The following TECPR1 variants were observed in gnomAD, a reference collection of about 807,000 sequenced individuals.
TECPR1 encodes the protein tectonin beta-propeller repeat containing 1.
Under a neutral mutation model 162.4 loss-of-function variants are expected in TECPR1, and 122 were observed. The observed-to-expected ratio is 0.75, with a 90% CI of 0.65 to 0.87. The LOEUF is 0.87. TECPR1 is among the 40% of genes least tolerant of loss of function. The pLI is 0.00. For synonymous variants in TECPR1, 642 were observed against 670.6 expected (o/e 0.96, Z 0.66); for missense variants, 1,432 against 1,618.2 (o/e 0.88, Z 1.97).
intron 2 of TECPR1, among the ~76,000 whole-genome samples, chr7:98,248,140 T>C (rs1798958976): frequency 6.6e-6 from 1 of 152,062 alleles, no homozygotes; most frequent in Non-Finnish European, 1.5e-5. Flanking sequence ...CACCCAGGGG[T>C]GTCCTTCCTG....
At chr7:98,237,785 T>TA (rs1199739072) in intron 9 of TECPR1, among the ~76,000 whole-genome samples, 1 of 151,934 alleles carries the variant, frequency 6.6e-6, no homozygotes, top group African/African-American at 2.4e-5. Context: ...TGGTTTTTTT[T>TA]AGAGATAGGA....
Position 98,233,675 on chromosome 7 carries a change from T to C in TECPR1, c.1418A>G (p.Asn473Ser), listed in dbSNP as rs57704545. ...PAEGSREARP[N>S]THPGPAPTPA... ...GGTGGGGGCCGGGCCGGGGTGCGTGTTGGGTCTGGCCTCCCTGCTGCCCTC... is the reference window on the plus strand; with the variant it reads ...GGTGGGGGCCGGGCCGGGGTGCGTGCTGGGTCTGGCCTCCCTGCTGCCCTC... Residue 473 changes from asparagine (N) to serine (S), a missense_variant, in exon 11 of 26, where the codon AAC (asparagine) becomes AGC (serine). Transcript: ENST00000447648. The C allele has an allele frequency of 1.9e-3, 3,065 of 1,604,928 alleles. 61 individuals are homozygous for C. The African/African-American group carries it at 0.034, about 18-fold the overall frequency.
At chr7:98,249,409 C>G (rs1429829141) in intron 2 of TECPR1, among the ~76,000 whole-genome samples, 1 of 152,136 alleles carries the variant, frequency 6.6e-6, no homozygotes, top group Non-Finnish European at 1.5e-5. Context: ...CCCAGGACAC[C>G]AAGGCCCGTC....
At position 98,228,090 on chromosome 7, in the gene TECPR1, A is replaced by G. The variant is rs1432489176; in HGVS notation, c.2437T>C (p.Tyr813His). ...QGLASSTSNI[Y>H]TQSDVKCVHI... The stretch of plus-strand genomic sequence containing the variant: ...ACACACTTCACGTCTGACTGCGTGT[A>G]GATGTTACTGGTGCTGCTGGCCAGG... Residue 813 changes from tyrosine to histidine, a missense_variant, in exon 17 of 26, where the codon TAC (tyrosine) becomes CAC (histidine). Coordinates refer to ENST00000447648, the MANE Select transcript of TECPR1 (RefSeq NM_015395.3). The G allele has an allele frequency of 6.2e-7, 1 of 1,612,372 alleles. No homozygotes were observed. Among genetic ancestry groups the G allele is most frequent in the African/African-American group, 1.3e-5 (1 of 74,894 alleles).
chr7:98,235,998 G>A (rs1488809942), intron 10 of TECPR1, among the ~76,000 whole-genome samples: 1 of 152,074 alleles, frequency 6.6e-6, no homozygotes, highest in African/African-American at 2.4e-5. Context: ...GGCTAGGGAG[G>A]GTCACAGCTA....
chr7:98,239,668 G>C (rs1439619998), intron 8 of TECPR1, among the ~76,000 whole-genome samples: 1 of 152,208 alleles, frequency 6.6e-6, no homozygotes, highest in Non-Finnish European at 1.5e-5. Flanking sequence ...GGGTGACCAG[G>C]ATCCAATGTG....
chr7:98,219,685 T>A (rs1203372086), intron 23 of TECPR1, among the ~76,000 whole-genome samples: 4 of 152,122 alleles, frequency 2.6e-5, no homozygotes, highest in African/African-American at 9.7e-5. Context: ...GCGGATCACC[T>A]GAGGTTGAGA....
intron 23 of TECPR1, among the ~76,000 whole-genome samples, 177 bp downstream of exon 23, chr7:98,221,484 T>TTTG (rs202120870): frequency 0.39 from 34,337 of 87,582 alleles, 4,186 homozygotes; most frequent in East Asian, 0.54. Context: ...AAATTAAAGT[T>TTTG]TTTTTTTTTT....
intron 23 of TECPR1, among the ~76,000 whole-genome samples, chr7:98,220,077 C>G (rs975837260): frequency 6.6e-6 from 1 of 151,968 alleles, no homozygotes; most frequent in Admixed American, 6.6e-5. Context: ...CGCGGTGGCT[C>G]ATGCCTGTAA....
chr7:98,219,054 G>T (rs181758760), intron 23 of TECPR1, among the ~76,000 whole-genome samples: 11 of 152,200 alleles, frequency 7.2e-5, no homozygotes, highest in Non-Finnish European at 1.5e-4. Flanking sequence ...TAGACCAGTG[G>T]AACAGAAGAG....
At position 98,217,176 on chromosome 7, in the gene TECPR1, C is replaced by A. The variant is rs1798032055; in HGVS notation, c.*214G>T. ...ATGCCCCACACCCCGGGACTCCTCG[C>A]AGACGGGGACACGTGTGGGAGTGTC... On this transcript the variant is annotated 3_prime_UTR_variant, in exon 26 of 26. Transcript: ENST00000447648. 1.9e-6 allele frequency: 1 copy of A among 529,262 alleles called. No individual in the cohort carries two copies. Among genetic ancestry groups the A allele is most frequent in the South Asian group, 2.6e-5 (1 of 38,620 alleles). 32.8% of individuals were successfully genotyped at this position (529,262 alleles called of 1,614,324 possible).
rs1443414777 is a variant in TECPR1 at position 98,243,453 on chromosome 7, G to C, written c.657+14C>G. ...ATCGTGGGGAGCCAGGGCAGGGAGA[G>C]GGGTTGGCCTTACCTTGCCCTGCAG... On this transcript the variant is annotated intron_variant, in intron 6 of 25. Transcript: ENST00000447648. 6.2e-7 allele frequency: 1 copy of C among 1,611,752 alleles called. No homozygotes were observed. The highest frequency in any genetic ancestry group is 8.5e-7 in the Non-Finnish European group (1 of 1,179,652).
chr7:98,226,478 G>T lies in TECPR1; in HGVS notation c.2514-1376C>A. On this transcript the variant is annotated intron_variant, in intron 17 of 25. Coordinates refer to ENST00000447648, the MANE Select transcript of TECPR1 (RefSeq NM_015395.3). ...TGAGGTCATGGAGCCACCTCCCTGT[G>T]CCTGGCCTTGTCTGCCCCCAACACG... is the stretch of plus-strand genomic sequence containing the variant. 4.9e-6 allele frequency: 5 copies of T among 1,018,622 alleles called. No homozygotes were observed. The South Asian group carries it at 1.8e-4, about 38-fold the overall frequency. The allele number at this position is 1,018,622 out of a possible 1,614,324, so 63.1% of individuals were successfully genotyped here. A position where few individuals can be genotyped will look rare whatever the true frequency, so the allele number is the denominator to read the frequency against.
Position 98,243,661 on chromosome 7 carries a change from C to T in TECPR1, c.532-69G>A, listed in dbSNP as rs111776245. 4,204 of 1,533,172 alleles carry T rather than the reference C, an allele frequency of 2.7e-3. 55 individuals carry two copies. In the African/African-American group the frequency reaches 0.031, roughly 11 times the overall value. 95.0% of individuals were successfully genotyped at this position (1,533,172 alleles called of 1,614,324 possible). A position where few individuals can be genotyped will look rare whatever the true frequency, so the allele number is the denominator to read the frequency against. ...GGCACCTGGGCATGCACCCACCTCC[C>T]GCCCGCCTGCCATCCGGACTTCCAT... On this transcript the variant is annotated intron_variant, in intron 5 of 25. Coordinates refer to ENST00000447648, the MANE Select transcript of TECPR1 (RefSeq NM_015395.3).
chr7:98,247,603 A>G (rs1798944787), intron 2 of TECPR1, among the ~76,000 whole-genome samples: 1 of 152,174 alleles, frequency 6.6e-6, no homozygotes, highest in Non-Finnish European at 1.5e-5. Context: ...TTGAGAGCCA[A>G]CGTGACCATG....
At position 98,229,028 on chromosome 7, in the gene TECPR1, G is replaced by A. The variant is rs773313070; in HGVS notation, c.2410+11C>T. The A allele has an allele frequency of 3.1e-6, 5 of 1,599,602 alleles. No homozygotes were observed. In the East Asian group the frequency reaches 1.1e-4, roughly 36 times the overall value. On this transcript the variant is annotated intron_variant, in intron 16 of 25. Coordinates refer to ENST00000447648, the MANE Select transcript of TECPR1 (RefSeq NM_015395.3). Reference sequence around the variant, plus strand: ...CAGGAAGGCTCCGGGGGGGCTGTGGGCCGCCCTCACCTTGGAAGCAGCCGC... The same window carrying A: ...CAGGAAGGCTCCGGGGGGGCTGTGGACCGCCCTCACCTTGGAAGCAGCCGC...
Position 98,239,967 on chromosome 7 carries a change from G to A in TECPR1, c.933+884C>T, listed in dbSNP as rs557602619. Among the ~76,000 whole-genome samples, 13 of 152,106 alleles carry A rather than the reference G, an allele frequency of 8.5e-5. 1 individual carries two copies. The South Asian group carries it at 1.5e-3, about 17-fold the overall frequency. ...CTACTAAAAATACAAAAAATTAGCC[G>A]GGCGTGGTGGCGGGCGCCTGTAGCC... On this transcript the variant is annotated intron_variant, in intron 8 of 25. Transcript: ENST00000447648.
At chr7:98,246,455 C>T (rs901559136) in intron 2 of TECPR1, among the ~76,000 whole-genome samples, 9 of 151,880 alleles carry the variant, frequency 5.9e-5, no homozygotes, top group African/African-American at 1.5e-4. Flanking sequence ...TTAGTAGAGA[C>T]GGGGTTTCGC....
intron 19 of TECPR1, 158 bp from the exon 20 acceptor site, chr7:98,223,876 CT>C: frequency 1.4e-6 from 1 of 718,968 alleles, no homozygotes; most frequent in Non-Finnish European, 2.3e-6. Context: ...ACGCGCGGCT[CT>C]CAGGAGGCGC....
Sources: gnomAD v4.1 joint callset for allele counts (sites outside exome capture counted in the v4.1 genomes callset) on GRCh38, gnomAD v4.1.1 for gene constraint, MANE v1.5 for transcripts, NCBI Gene and HGNC (gene_info 2026-07-23, HGNC 2026-07-21) for gene names.